The following SCMH1 variants were observed in gnomAD, a reference collection of about 807,000 sequenced individuals.
SCMH1 encodes the protein Scm polycomb group protein homolog 1.
A neutral mutation model predicts 70.8 loss-of-function variants in SCMH1; 37 were observed. The observed-to-expected ratio is 0.52, with a 90% CI of 0.40 to 0.69. The LOEUF is 0.69. Among genes scored for constraint, SCMH1 ranks in the 30% least tolerant of loss-of-function variants. The probability of loss-of-function intolerance (pLI) is 0.00; values close to 1 mark genes in which losing one functional copy is unlikely to be tolerated. For synonymous variants in SCMH1, 292 were observed against 307.4 expected, an observed-to-expected ratio of 0.95 and a Z score of 0.52; for missense variants, 607 against 827.3, an observed-to-expected ratio of 0.73 and a Z score of 3.27.
intron 6 of SCMH1, among the ~76,000 whole-genome samples, chr1:41,126,752 G>A (rs1030804009): frequency 6.6e-6 from 1 of 151,822 alleles, no homozygotes; most frequent in Non-Finnish European, 1.5e-5. Context: ...CTATTTTATG[G>A]TTGAATGGTA....
At chr1:41,195,236 C>T (rs552857874) in intron 1 of SCMH1, among the ~76,000 whole-genome samples, 60 of 150,476 alleles carry the variant, frequency 4.0e-4, no homozygotes, top group African/African-American at 1.3e-3. Context: ...TAGATAATAC[C>T]GATCATACAG....
At chr1:41,216,017 A>G (rs568299829) in intron 1 of SCMH1, among the ~76,000 whole-genome samples, 2 of 152,374 alleles carry the variant, frequency 1.3e-5, no homozygotes, top group South Asian at 4.1e-4. Flanking sequence ...GTTGCCCTGA[A>G]GGTCCCTGTT....
Position 41,070,502 on chromosome 1 carries a change from GT to G in SCMH1, c.1105+92del, listed in dbSNP as rs1424391862. The G allele has an allele frequency of 1.0e-5, 15 of 1,449,842 alleles. No individual in the cohort carries two copies. In the Admixed American group the frequency reaches 3.2e-4, roughly 31 times the overall value. 89.8% of individuals were successfully genotyped at this position (1,449,842 alleles called of 1,614,324 possible). On this transcript the variant is annotated intron_variant, in intron 10 of 14. Coordinates refer to ENST00000337495, the Ensembl canonical transcript of SCMH1. ...AAAAATATTTTACCTAGGTTTACAA[GT>G]GGAAAGGTGCTAATTACTGGTGTAA... is the stretch of plus-strand genomic sequence containing the variant.
intron 8 of SCMH1, among the ~76,000 whole-genome samples, chr1:41,095,330 C>G (rs1205480193): frequency 6.6e-6 from 1 of 152,118 alleles, no homozygotes; most frequent in East Asian, 1.9e-4. Context: ...ACCTATATTC[C>G]ATGTAGTCCC....
chr1:41,190,064 T>C (rs926861132), intron 1 of SCMH1, among the ~76,000 whole-genome samples: 1 of 152,232 alleles, frequency 6.6e-6, no homozygotes. Flanking sequence ...CCAGTCAATA[T>C]TTGGAATAAA....
rs539629506 is a variant in SCMH1, at chr1:41,098,926, T to TG, written c.745+14356dup. The TG allele has an allele frequency of 1.2e-3, 306 of 256,592 alleles. 1 individual carries two copies. The highest frequency in any genetic ancestry group is 3.1e-3 in the South Asian group (54 of 17,614). The allele number at this position is 256,592 out of a possible 1,614,324, so 15.9% of individuals were successfully genotyped here. A position where few individuals can be genotyped will look rare whatever the true frequency, so the allele number is the denominator to read the frequency against. On this transcript the variant is annotated intron_variant, in intron 8 of 14. Transcript: ENST00000337495. ...CCATTATTAAGTCCCTCCTGACCAC[T>TG]GGGTCAGCCATGAAGAAGATAGAAG...
At chr1:41,218,271 G>A (rs1280078416) in intron 1 of SCMH1, among the ~76,000 whole-genome samples, 1 of 152,150 alleles carries the variant, frequency 6.6e-6, no homozygotes, top group East Asian at 1.9e-4. Flanking sequence ...CTAAAATTGT[G>A]TACCCCTGGT....
intron 12 of SCMH1, chr1:41,044,009 AT>A (rs1351156903): frequency 3.9e-5 from 6 of 152,080 alleles, no homozygotes; most frequent in African/African-American, 1.4e-4. Flanking sequence ...TTATTGTTCT[AT>A]TTTTGTAACT....
chr1:41,194,139 C>T (rs1652424900), intron 1 of SCMH1, among the ~76,000 whole-genome samples: 1 of 152,162 alleles, frequency 6.6e-6, no homozygotes, highest in South Asian at 2.1e-4. Context: ...GTACTCTACA[C>T]ATACTTTTAA....
intron 2 of SCMH1, among the ~76,000 whole-genome samples, chr1:41,167,249 T>C (rs533203471): frequency 3.3e-5 from 5 of 152,288 alleles, no homozygotes; most frequent in Admixed American, 3.3e-4. Context: ...TTGAAGATTT[T>C]TGCATCCATG....
intron 1 of SCMH1, among the ~76,000 whole-genome samples, chr1:41,197,064 T>C (rs1027564089): frequency 1.3e-4 from 20 of 152,164 alleles, no homozygotes; most frequent in African/African-American, 4.3e-4. Context: ...GGTGAGGATA[T>C]GGGAAAATTG....
chr1:41,175,643 C>T (rs562472206), intron 2 of SCMH1, among the ~76,000 whole-genome samples: 13 of 152,290 alleles, frequency 8.5e-5, no homozygotes, highest in Non-Finnish European at 1.6e-4. Flanking sequence ...TAGCTTCATA[C>T]TCAATTAAGG....
chr1:41,182,314 C>A (rs565509030), intron 2 of SCMH1, among the ~76,000 whole-genome samples: 2 of 152,112 alleles, frequency 1.3e-5, no homozygotes, highest in African/African-American at 4.8e-5. Flanking sequence ...CTAACCTGCA[C>A]GTTGTGCACA....
chr1:41,102,388 C>T (rs1334540361), intron 8 of SCMH1, among the ~76,000 whole-genome samples: 1 of 152,236 alleles, frequency 6.6e-6, no homozygotes, highest in Non-Finnish European at 1.5e-5. Flanking sequence ...GTGCTGCCAG[C>T]TGGGCTGATG....
At chr1:41,042,395 T>C (rs1305274178) in intron 12 of SCMH1, among the ~76,000 whole-genome samples, 1 of 151,978 alleles carries the variant, frequency 6.6e-6, no homozygotes, top group Non-Finnish European at 1.5e-5. Context: ...ATTACAAGCA[T>C]GCACCACCAC....
chr1:41,139,480 T>A (rs1403721886), intron 6 of SCMH1, among the ~76,000 whole-genome samples: 2 of 152,222 alleles, frequency 1.3e-5, no homozygotes, highest in Non-Finnish European at 2.9e-5. Flanking sequence ...ATCTGTAGGT[T>A]TCTGGAGAAT....
At chr1:41,055,029 C>T (rs1649737195) in intron 10 of SCMH1, among the ~76,000 whole-genome samples, 1 of 152,048 alleles carries the variant, frequency 6.6e-6, no homozygotes, top group South Asian at 2.1e-4. Flanking sequence ...GGAATCCTCC[C>T]ACCTTGGCCT....
intron 4 of SCMH1, among the ~76,000 whole-genome samples, chr1:41,154,100 G>A (rs892464807): frequency 6.6e-6 from 1 of 152,170 alleles, no homozygotes; most frequent in Non-Finnish European, 1.5e-5. Flanking sequence ...AACAGGCAGA[G>A]GGCTGGATTT....
intron 4 of SCMH1, among the ~76,000 whole-genome samples, chr1:41,152,216 A>C (rs1025480704): frequency 1.3e-5 from 2 of 152,112 alleles, no homozygotes; most frequent in Non-Finnish European, 2.9e-5. Flanking sequence ...TTATAGTTGA[A>C]TCCTCACTCT....
Sources: allele counts gnomAD v4.1 joint callset (sites outside exome capture counted in the v4.1 genomes callset), GRCh38; gene constraint gnomAD v4.1.1; transcripts MANE v1.5; gene names NCBI Gene and HGNC (gene_info 2026-07-23, HGNC 2026-07-21).